PIGO: variants seen among roughly 807,000 people sequenced by gnomAD.
PIGO encodes the protein GPI ethanolamine phosphate transferase 3, catalytic subunit.
PIGO carries 66 observed loss-of-function variants against 86.9 expected under a neutral mutation model. That is an observed-to-expected ratio of 0.76 (90% CI 0.62 to 0.93). PIGO has a LOEUF of 0.93. PIGO is among the 40% of genes least tolerant of loss of function. The probability of loss-of-function intolerance (pLI) is 0.00; values close to 1 mark genes in which losing one functional copy is unlikely to be tolerated. For missense variants in PIGO, 1,202 were observed against 1,359.1 expected (o/e 0.88, Z 1.82); for synonymous variants, 570 against 556.4 (o/e 1.02, Z -0.34).
Position 35,091,850 on chromosome 9 carries a change from G to A in PIGO, c.2037C>T (p.Ala679=). 1.2e-6 allele frequency: 2 copies of A among 1,614,068 alleles called. No individual in the cohort carries two copies. Among genetic ancestry groups the A allele is most frequent in the Admixed American group, 1.7e-5 (1 of 60,036 alleles). The change falls in exon 7 of 11, where the codon GCC becomes GCT. Residue 679 remains alanine, a synonymous_variant. Transcript: ENST00000378617. ...GCCACAAGCGCACGGCAGCTAACAG[G>A]GCCACCAGCGCCGCCACACAAGCTC... is the stretch of plus-strand genomic sequence containing the variant. ...WYGACVAALV[A]LLAAVRLWLR... is the part of the protein sequence containing the mutation.
chr9:35,093,738 T>A (rs568825825), intron 4 of PIGO, 158 bp from the exon 5 acceptor site: 9 of 1,434,480 alleles, frequency 6.3e-6, no homozygotes, highest in Non-Finnish European at 8.4e-6. Context: ...ATGATCCTGA[T>A]GCCCAAAGCT....
intron 4 of PIGO, 90 bp from the exon 5 acceptor site, chr9:35,093,670 C>T (rs775217425): frequency 3.8e-5 from 56 of 1,454,946 alleles, no homozygotes; most frequent in Non-Finnish European, 4.4e-5. Context: ...CTATTCATCC[C>T]CAGCTATAAC....
Position 35,091,998 on chromosome 9 carries a change from A to G in PIGO, c.1889T>C (p.Leu630Ser). ...YALRLGIGLL[L>S]CTRLAGLFHR... is the part of the protein sequence containing the mutation. ...AAAAAGCCCAGCTAGCCTTGTACAT[A>G]AAAGCAACCCAATTCCAAGCCTCAG... Residue 630 changes from leucine (L) to serine (S), a missense_variant, in exon 7 of 11, where the codon TTA becomes TCA. Physicochemically the swap from Leu to Ser is moderately radical, Grantham distance 145 (BLOSUM62 -2). Coordinates refer to ENST00000378617, the MANE Select transcript of PIGO (RefSeq NM_032634.4). 6.2e-7 allele frequency: 1 copy of G among 1,614,200 alleles called. No homozygotes were observed. Among genetic ancestry groups the G allele is most frequent in the Non-Finnish European group, 8.5e-7 (1 of 1,180,032 alleles).
In PIGO at chr9:35,093,995, C is replaced by G. The variant is rs759375797; in HGVS notation, c.685G>C (p.Ala229Pro). 6.2e-7 allele frequency: 1 copy of G among 1,614,166 alleles called. No homozygotes were observed. The highest frequency in any genetic ancestry group is 8.5e-7 in the Non-Finnish European group (1 of 1,180,022). ...MDSGEWDVLI[A>P]HFLGVDHCGH... is the part of the protein sequence containing the mutation. The stretch of plus-strand genomic sequence containing the variant: ...CAGTGGTCCACACCCAGGAAGTGAG[C>G]AATCAGCACGTCCCATTCACCACTG... Residue 229 changes from alanine to proline, a missense_variant, in exon 4 of 11, where the codon GCT becomes CCT. Physicochemically the swap from Ala to Pro is conservative, Grantham distance 27. Coordinates refer to ENST00000378617, the MANE Select transcript of PIGO (RefSeq NM_032634.4).
chr9:35,092,592 A>G lies in PIGO; in HGVS notation c.1295T>C (p.Leu432Pro). 2.5e-6 allele frequency: 4 copies of G among 1,614,270 alleles called. No homozygotes were observed. Among genetic ancestry groups the G allele is most frequent in the Non-Finnish European group, 3.4e-6 (4 of 1,180,056 alleles). ...GATGCACATGGCCCGAGCTCCCCGC[A>G]GGAACTGCTGCAGCTCAGCAATCAC... ...PTVIAELQQFLRGARAMCIES... is the reference protein window; with the variant it reads ...PTVIAELQQFPRGARAMCIES... Residue 432 changes from leucine (L) to proline (P), a missense_variant, in exon 7 of 11, where the codon CTG becomes CCG. Coordinates refer to ENST00000378617, the MANE Select transcript of PIGO (RefSeq NM_032634.4).
In PIGO at chr9:35,091,450, C is replaced by G. The variant is rs1829410483; in HGVS notation, c.2437G>C (p.Glu813Gln). Residue 813 changes from glutamate to glutamine, a missense_variant, in exon 7 of 11, where the codon GAG becomes CAG. Physicochemically the swap from Glu to Gln is conservative, Grantham distance 29 (BLOSUM62 2). Transcript: ENST00000378617. ...HMQEEFRGRL[E>Q]RTKSQGPLTV... ...AGGGGACCCTGAGATTTGGTCCTCT[C>G]TAACCGGCCCCGGAACTCCTCCTGC... 6.2e-7 allele frequency: 1 copy of G among 1,614,220 alleles called. No individual in the cohort carries two copies. Among genetic ancestry groups the G allele is most frequent in the Non-Finnish European group, 8.5e-7 (1 of 1,180,032 alleles).
Position 35,095,052 on chromosome 9 carries a change from G to A in PIGO, c.511+3C>T. 1.3e-6 allele frequency: 2 copies of A among 1,592,070 alleles called. No homozygotes were observed. The highest frequency in any genetic ancestry group is 1.7e-6 in the Non-Finnish European group (2 of 1,166,328). On this transcript the variant is annotated splice_donor_region_variant and intron_variant, in intron 2 of 10. Transcript: ENST00000378617. Reference sequence around the variant, plus strand: ...TCTGGCCTTCAAAGTGGCCCACACTGACCTGCACTGGTGAGCTGCTTAATG... The same window carrying A: ...TCTGGCCTTCAAAGTGGCCCACACTAACCTGCACTGGTGAGCTGCTTAATG...
In PIGO at chr9:35,095,430, C is replaced by CT. The variant is rs1287376106; in HGVS notation, c.135dup (p.Gly46ArgfsTer36). 6.2e-7 allele frequency: 1 copy of CT among 1,614,082 alleles called. No homozygotes were observed. Among genetic ancestry groups the CT allele is most frequent in the Non-Finnish European group, 8.5e-7 (1 of 1,180,002 alleles). ...CTCCCCCATGGCAGGGACCCAGGGC[C>CT]TGGGGGCTCTTGGCAGCTGCTATGG... On this transcript the variant is annotated frameshift_variant, in exon 2 of 11. Coordinates refer to ENST00000378617, the MANE Select transcript of PIGO (RefSeq NM_032634.4). LOFTEE classifies it high-confidence loss of function.
chr9:35,088,857 C>A lies in PIGO; in HGVS notation c.*235G>T, dbSNP rs183228101. 2.6e-5 allele frequency: 13 copies of A among 499,138 alleles called. No homozygotes were observed. In the Admixed American group the frequency reaches 3.2e-4, roughly 12 times the overall value. 30.9% of individuals were successfully genotyped at this position (499,138 alleles called of 1,614,324 possible). A position where few individuals can be genotyped will look rare whatever the true frequency, so the allele number is the denominator to read the frequency against. On this transcript the variant is annotated 3_prime_UTR_variant, in exon 11 of 11. Transcript: ENST00000378617. ...ACCACGCCCGGCCTATTTTATTCCA[C>A]TTCGGAGACCGCCCCCCTTGTCCCT... is the stretch of plus-strand genomic sequence containing the variant.
rs748208144 is a variant in PIGO at position 35,091,545 on chromosome 9, G to A, written c.2342C>T (p.Thr781Ile). Residue 781 changes from threonine (T) to isoleucine (I), a missense_variant, in exon 7 of 11, where the codon ACT (threonine) becomes ATT (isoleucine). Transcript: ENST00000378617. ...AGAPRTRTVL[T>I]PFSGPPTSQA... ...AGAAGTGGGGGGGCCTGAGAAGGGA[G>A]TGAGGACAGTCCTGGTCCTTGGAGC... 6.2e-7 allele frequency: 1 copy of A among 1,614,148 alleles called. No individual in the cohort carries two copies. Among genetic ancestry groups the A allele is most frequent in the Non-Finnish European group, 8.5e-7 (1 of 1,180,034 alleles).
rs760986104 is a variant in PIGO at position 35,092,155 on chromosome 9, C to G, written c.1732G>C (p.Gly578Arg). 2 of 1,614,034 alleles carry G rather than the reference C, an allele frequency of 1.2e-6. No individual in the cohort carries two copies. The highest frequency in any genetic ancestry group is 2.7e-5 in the African/African-American group (2 of 74,900). Residue 578 changes from glycine (G) to arginine (R), a missense_variant, in exon 7 of 11, where the codon GGC (glycine) becomes CGC (arginine). Transcript: ENST00000378617. ...ACAACCAGGAGCAGGATGAATGAGC[C>G]CAAAAGGAAGGGGGTGGCCCTGGCC... ...AEARATPFLLGSFILLLVVQL... is the reference protein window; with the variant it reads ...AEARATPFLLRSFILLLVVQL...
At position 35,091,502 on chromosome 9, in the gene PIGO, A is replaced by G. The variant is rs1829414279; in HGVS notation, c.2385T>C (p.Tyr795=). 6.2e-7 allele frequency: 1 copy of G among 1,614,200 alleles called. No individual in the cohort carries two copies. Among genetic ancestry groups the G allele is most frequent in the African/African-American group, 1.3e-5 (1 of 75,048 alleles). Residue 795 remains tyrosine (Y), a synonymous_variant, in exon 7 of 11, where the codon TAT becomes TAC. Transcript: ENST00000378617. ...TGTGTCGGTAGATTTGAGGGACCAC[A>G]TAATCCAAGTCAGCTTGAGAAGTGG... ...GPPTSQADLD[Y]VVPQIYRHMQ...
At chr9:35,093,312 C>T in intron 5 of PIGO, 103 bp from the exon 6 acceptor site, 1 of 1,574,520 alleles carries the variant, frequency 6.4e-7, no homozygotes. Context: ...GTGGAGGATA[C>T]CCAGGATCAT....
At chr9:35,093,688 G>C in intron 4 of PIGO, 108 bp from the exon 5 acceptor site, 1 of 1,429,962 alleles carries the variant, frequency 7.0e-7, no homozygotes, top group Non-Finnish European at 9.3e-7. Context: ...AACTCCATTA[G>C]TAAGGCCTAG....
chr9:35,089,757 G>T (rs1829328725), intron 9 of PIGO: 1 of 1,393,810 alleles, frequency 7.2e-7, no homozygotes, highest in East Asian at 2.7e-5. Flanking sequence ...GAGGATCCAT[G>T]ACCACAGTTT....
chr9:35,093,411 C>T lies in PIGO; in HGVS notation c.939+10G>A, dbSNP rs1587170803. 2.5e-6 allele frequency: 4 copies of T among 1,613,858 alleles called. No individual in the cohort carries two copies. The Admixed American group carries it at 5.0e-5, about 20-fold the overall frequency. ...CTGGGAGAACAGATGAGGAACATCCCAGGCCTCACCTCTGGTGGGGTGCTG... is the reference window on the plus strand; with the variant it reads ...CTGGGAGAACAGATGAGGAACATCCTAGGCCTCACCTCTGGTGGGGTGCTG... On this transcript the variant is annotated intron_variant, in intron 5 of 10. Transcript: ENST00000378617.
At position 35,088,885 on chromosome 9, in the gene PIGO, G is replaced by C. The variant is rs894140972; in HGVS notation, c.*207C>G. On this transcript the variant is annotated 3_prime_UTR_variant, in exon 11 of 11. Transcript: ENST00000378617. ...CGGAGACCGCCCCCCTTGTCCCTCA[G>C]ATGCATCCAAATCAGGAGTTAGGGA... The C allele has an allele frequency of 1.5e-6, 1 of 663,496 alleles. No homozygotes were observed. The highest frequency in any genetic ancestry group is 2.0e-5 in the South Asian group (1 of 49,282). 41.1% of individuals were successfully genotyped at this position (663,496 alleles called of 1,614,324 possible). A position where few individuals can be genotyped will look rare whatever the true frequency, so the allele number is the denominator to read the frequency against.
chr9:35,091,024 C>G (rs1829392052), intron 7 of PIGO: 8 of 604,392 alleles, frequency 1.3e-5, no homozygotes, highest in Non-Finnish European at 2.3e-5. Flanking sequence ...GACTCCTTGT[C>G]TCTCCTCTCC....
chr9:35,089,032 G>T lies in PIGO; in HGVS notation c.*60C>A. The T allele has an allele frequency of 6.2e-7, 1 of 1,607,386 alleles. No homozygotes were observed. The highest frequency in any genetic ancestry group is 8.5e-7 in the Non-Finnish European group (1 of 1,176,750). On this transcript the variant is annotated 3_prime_UTR_variant, in exon 11 of 11. Coordinates refer to ENST00000378617, the MANE Select transcript of PIGO (RefSeq NM_032634.4). The stretch of plus-strand genomic sequence containing the variant: ...TGCAGATCATCCAGTACCTGTACAG[G>T]CCAGGCTACACTGTTCTCAAGCACT...
Sources: gnomAD v4.1 joint callset for allele counts on GRCh38, gnomAD v4.1.1 for gene constraint, MANE v1.5 for transcripts, NCBI Gene and HGNC (gene_info 2026-07-23, HGNC 2026-07-21) for gene names.